Variants in RBMS3 observed in about 807,000 individuals in gnomAD.
RBMS3 encodes RNA-binding motif, single-stranded-interacting protein 3.
In RBMS3, 27 loss-of-function variants were observed where a neutral mutation model predicts 66.8. The observed-to-expected ratio is 0.40, with a 90% confidence interval of 0.30 to 0.56. RBMS3 has a LOEUF of 0.56. RBMS3 is among the 20% of genes least tolerant of loss of function. RBMS3 has a pLI of 0.40. For synonymous variants in RBMS3, 188 were observed against 183.0 expected, an observed-to-expected ratio of 1.03 and a Z score of -0.22; for missense variants, 513 against 549.5, an observed-to-expected ratio of 0.93 and a Z score of 0.66.
At chr3:29,490,246 T>C (rs944769392) in intron 3 of RBMS3, among the ~76,000 whole-genome samples, 1 of 150,280 alleles carries the variant, frequency 6.7e-6, no homozygotes, top group Non-Finnish European at 1.5e-5. Flanking sequence ...TCAGCAAAGG[T>C]GTGTGAAATT....
At chr3:29,970,158 C>G (rs1289269350) in intron 12 of RBMS3, among the ~76,000 whole-genome samples, 1 of 152,114 alleles carries the variant, frequency 6.6e-6, no homozygotes, top group Non-Finnish European at 1.5e-5. Flanking sequence ...GGGCAAAACT[C>G]TAGAAAAATA....
At chr3:29,702,628 A>G (rs949737589) in intron 4 of RBMS3, among the ~76,000 whole-genome samples, 3 of 152,056 alleles carry the variant, frequency 2.0e-5, no homozygotes, top group African/African-American at 7.2e-5. Flanking sequence ...GCGAGACCAC[A>G]AACCCACCAG....
intron 3 of RBMS3, among the ~76,000 whole-genome samples, chr3:29,491,707 G>A (rs193172460): frequency 2.0e-5 from 3 of 152,118 alleles, no homozygotes; most frequent in Non-Finnish European, 2.9e-5. Context: ...ATTGGACAGC[G>A]GTTAGGCCGG....
intron 2 of RBMS3, among the ~76,000 whole-genome samples, chr3:29,445,422 A>G (rs1201654847): frequency 6.6e-6 from 1 of 152,072 alleles, no homozygotes; most frequent in Non-Finnish European, 1.5e-5. Flanking sequence ...CAAAAAAAAA[A>G]AACTGTTTAT....
intron 4 of RBMS3, among the ~76,000 whole-genome samples, chr3:29,664,614 C>CA (rs896308719): frequency 2.7e-5 from 4 of 149,584 alleles, no homozygotes; most frequent in Non-Finnish European, 5.9e-5. Context: ...AAGCATTATA[C>CA]AAAAAAATAG....
At chr3:29,291,449 G>C (rs990800299) in intron 1 of RBMS3, among the ~76,000 whole-genome samples, 2 of 151,852 alleles carry the variant, frequency 1.3e-5, no homozygotes, top group Admixed American at 1.3e-4. Flanking sequence ...TTGGCACTGA[G>C]AGCAACTGGG....
At chr3:29,901,995 T>C (rs867662404) in intron 10 of RBMS3, among the ~76,000 whole-genome samples, 5 of 151,950 alleles carry the variant, frequency 3.3e-5, no homozygotes, top group African/African-American at 1.2e-4. Context: ...TAAGTCACCC[T>C]ATGATACTAA....
At chr3:29,555,889 T>G (rs199879969) in intron 3 of RBMS3, among the ~76,000 whole-genome samples, 1 of 143,386 alleles carries the variant, frequency 7.0e-6, no homozygotes, top group South Asian at 2.2e-4. Context: ...TTTCAAAAGC[T>G]TTTTCAGAAC....
At chr3:29,764,469 T>C (rs889380340) in intron 6 of RBMS3, among the ~76,000 whole-genome samples, 2 of 152,012 alleles carry the variant, frequency 1.3e-5, no homozygotes, top group Admixed American at 6.6e-5. Flanking sequence ...TTGTGGACTT[T>C]CCTCTTGTTT....
At chr3:29,821,225 A>T (rs1437186675) in intron 6 of RBMS3, among the ~76,000 whole-genome samples, 1 of 152,146 alleles carries the variant, frequency 6.6e-6, no homozygotes, top group Non-Finnish European at 1.5e-5. Flanking sequence ...TTTATCTAAA[A>T]TTTTGCTTGG....
intron 13 of RBMS3, among the ~76,000 whole-genome samples, chr3:29,990,384 C>CCTCTCTGGATTCCAAAAATA (rs1698761552): frequency 1.3e-5 from 2 of 150,770 alleles, no homozygotes; most frequent in Admixed American, 6.6e-5. Flanking sequence ...ATCACCTATG[C>CCTCTCTGGATTCCAAAAATA]CTCTCTGGAT....
At chr3:29,407,409 C>T (rs1022994335) in intron 1 of RBMS3, among the ~76,000 whole-genome samples, 2 of 152,148 alleles carry the variant, frequency 1.3e-5, no homozygotes, top group Admixed American at 6.6e-5. Flanking sequence ...CCGCTGCATT[C>T]TGTGGCTGAA....
intron 1 of RBMS3, among the ~76,000 whole-genome samples, chr3:29,378,966 G>A (rs1007965312): frequency 4.6e-5 from 7 of 152,148 alleles, no homozygotes; most frequent in African/African-American, 1.7e-4. Context: ...AAACAAGTCT[G>A]CTGACTTAAC....
chr3:29,557,194 T>C (rs2046395484), intron 3 of RBMS3, among the ~76,000 whole-genome samples: 1 of 152,226 alleles, frequency 6.6e-6, no homozygotes, highest in Admixed American at 6.5e-5. Flanking sequence ...TTTGCAGATA[T>C]GTTCTGAGTT....
chr3:29,934,049 A>G (rs2061200999), intron 10 of RBMS3: 1 of 152,086 alleles, frequency 6.6e-6, no homozygotes, highest in Non-Finnish European at 1.5e-5. Context: ...GGAATGAGAC[A>G]ACCTCCAGGG....
intron 4 of RBMS3, among the ~76,000 whole-genome samples, chr3:29,725,009 C>T (rs1000518552): frequency 6.6e-6 from 1 of 152,042 alleles, no homozygotes; most frequent in African/African-American, 2.4e-5. Flanking sequence ...AGTGAATGAT[C>T]AAGAGCAAAT....
intron 1 of RBMS3, among the ~76,000 whole-genome samples, chr3:29,363,334 A>G (rs897913422): frequency 3.3e-5 from 5 of 152,206 alleles, no homozygotes; most frequent in African/African-American, 1.2e-4. Flanking sequence ...ACAAATAATC[A>G]TGACGAGATC....
intron 3 of RBMS3, among the ~76,000 whole-genome samples, chr3:29,549,059 G>GTTTTTTTTTT (rs5847579): frequency 2.3e-5 from 2 of 85,364 alleles, no homozygotes; most frequent in African/African-American, 4.4e-5. Flanking sequence ...TCCTACTTCT[G>GTTTTTTTTTT]TTTTTTTTTT....
chr3:29,857,464 T>C (rs58850780), intron 6 of RBMS3, among the ~76,000 whole-genome samples: 19,439 of 149,940 alleles, frequency 0.13, 1,304 homozygotes, highest in African/African-American at 0.16. Flanking sequence ...GGATTATGAC[T>C]TGGAATTCTT....
Sources: gnomAD v4.1 joint callset for allele counts (sites outside exome capture counted in the v4.1 genomes callset) on GRCh38, gnomAD v4.1.1 for gene constraint, MANE v1.5 for transcripts, NCBI Gene and HGNC (gene_info 2026-07-23, HGNC 2026-07-21) for gene names.